ASH1L: variants seen among roughly 807,000 people sequenced by gnomAD.
ASH1L encodes ASH1 like histone lysine methyltransferase, also known as histone-lysine N-methyltransferase ASH1L.
Under a neutral mutation model 269.0 loss-of-function variants are expected in ASH1L, and 23 were observed. The ratio of observed to expected loss-of-function variants is 0.09; its 90% CI spans 0.06 to 0.12. The LOEUF (loss-of-function observed/expected upper bound fraction) is 0.12, where lower values mean the gene tolerates loss of function less well. Ranked by LOEUF, ASH1L falls within the 10% of genes least tolerant of loss-of-function variation. The probability of loss-of-function intolerance (pLI) is 1.00; values close to 1 mark genes in which losing one functional copy is unlikely to be tolerated. For synonymous variants in ASH1L, 1,187 were observed against 1,253.5 expected (o/e 0.95, Z 1.12); for missense variants, 2,912 against 3,567.8 (o/e 0.82, Z 4.68).
At chr1:155,379,583 T>C (rs1656761368) in intron 8 of ASH1L, among the ~76,000 whole-genome samples, 1 of 152,318 alleles carries the variant, frequency 6.6e-6, no homozygotes, top group East Asian at 1.9e-4. Context: ...TTAAAGATTT[T>C]TTAAAAGTGC....
chr1:155,342,756 C>T (rs1271048412), intron 24 of ASH1L, among the ~76,000 whole-genome samples: 1 of 151,956 alleles, frequency 6.6e-6, no homozygotes, highest in African/African-American at 2.4e-5. Flanking sequence ...AAGTAAATTC[C>T]ACAAAGGAAC....
At chr1:155,511,703 A>G (rs1330765063) in intron 2 of ASH1L, among the ~76,000 whole-genome samples, 1 of 152,066 alleles carries the variant, frequency 6.6e-6, no homozygotes, top group Non-Finnish European at 1.5e-5. Context: ...ACAGAGTTTC[A>G]CCATGTTGGC....
chr1:155,506,031 C>T (rs760450825), intron 2 of ASH1L, among the ~76,000 whole-genome samples: 4 of 151,756 alleles, frequency 2.6e-5, no homozygotes, highest in South Asian at 2.1e-4. Flanking sequence ...ATGTTTCCCA[C>T]CCTGTGGCCA....
chr1:155,399,511 C>T (rs12025532), intron 6 of ASH1L, among the ~76,000 whole-genome samples: 37,073 of 151,906 alleles, frequency 0.24, 5,558 homozygotes, highest in East Asian at 0.72. Context: ...GGCGTGGTGG[C>T]ACCTGTAATT....
chr1:155,541,835 C>T (rs976769859), intron 1 of ASH1L, among the ~76,000 whole-genome samples: 3 of 151,728 alleles, frequency 2.0e-5, no homozygotes, highest in African/African-American at 7.3e-5. Flanking sequence ...AAATATTAAA[C>T]TGGGAGGAAA....
chr1:155,428,576 G>A (rs1177237672), intron 5 of ASH1L, among the ~76,000 whole-genome samples: 1 of 152,134 alleles, frequency 6.6e-6, no homozygotes, highest in Non-Finnish European at 1.5e-5. Context: ...CACCCACGCT[G>A]GAAGGCTGTG....
At chr1:155,397,720 C>G (rs546884776) in intron 6 of ASH1L, among the ~76,000 whole-genome samples, 1 of 152,054 alleles carries the variant, frequency 6.6e-6, no homozygotes, top group East Asian at 1.9e-4. Context: ...TTACACTATG[C>G]CTGGCTATTT....
intron 1 of ASH1L, among the ~76,000 whole-genome samples, chr1:155,545,148 G>T (rs1184125821): frequency 1.1e-5 from 1 of 87,040 alleles, no homozygotes; most frequent in South Asian, 4.0e-4. Flanking sequence ...CTCCAGCCTG[G>T]GCAAGAAGAG....
intron 12 of ASH1L, among the ~76,000 whole-genome samples, chr1:155,361,766 G>C (rs1030305188): frequency 1.3e-5 from 2 of 151,216 alleles, no homozygotes; most frequent in Non-Finnish European, 2.9e-5. Context: ...CCAGCTACTT[G>C]GGAGGCTGAG....
At chr1:155,520,776 T>C (rs1378097773) in intron 2 of ASH1L, among the ~76,000 whole-genome samples, 1 of 151,656 alleles carries the variant, frequency 6.6e-6, no homozygotes, top group South Asian at 2.1e-4. Flanking sequence ...GCAGGAGAAC[T>C]GCTTGAACCC....
intron 2 of ASH1L, among the ~76,000 whole-genome samples, chr1:155,485,015 T>C (rs368795147): frequency 2.6e-5 from 4 of 150,944 alleles, no homozygotes; most frequent in Non-Finnish European, 5.9e-5. Context: ...TCCCAGCACT[T>C]TGTGAGGCCA....
At chr1:155,355,942 T>C (rs1314094594) in intron 15 of ASH1L, among the ~76,000 whole-genome samples, 7 of 151,500 alleles carry the variant, frequency 4.6e-5, no homozygotes, top group African/African-American at 1.5e-4. Flanking sequence ...CTTTTTGTTT[T>C]TTTTTGTTTT....
At position 155,360,580 on chromosome 1, in the gene ASH1L, AC is replaced by A. The variant is rs368568828; in HGVS notation, c.6687-172del. Among the ~76,000 whole-genome samples the A allele has an allele frequency of 1.3e-3, 201 of 152,038 alleles. 1 individual carries two copies. Among genetic ancestry groups the A allele is most frequent in the African/African-American group, 4.0e-3 (166 of 41,476 alleles). ...TGCCTCAGCCTCCTGAGTAGCTGGG[AC>A]TACAGGTGTAAGCCACCACGCCTGG... is the stretch of plus-strand genomic sequence containing the variant. On this transcript the variant is annotated intron_variant, in intron 12 of 27. Transcript: ENST00000392403.
chr1:155,504,893 A>G (rs1243159613), intron 2 of ASH1L, among the ~76,000 whole-genome samples: 2 of 151,958 alleles, frequency 1.3e-5, no homozygotes, highest in African/African-American at 4.8e-5. Flanking sequence ...ACAGCTATAA[A>G]TGACAGGGCC....
chr1:155,415,393 A>C (rs931955549), intron 6 of ASH1L, among the ~76,000 whole-genome samples: 3 of 151,890 alleles, frequency 2.0e-5, no homozygotes, highest in South Asian at 2.1e-4. Context: ...AAAAAAAAAA[A>C]AAAAACAAAA....
At chr1:155,488,449 G>A (rs1248868230) in intron 2 of ASH1L, among the ~76,000 whole-genome samples, 1 of 146,278 alleles carries the variant, frequency 6.8e-6, no homozygotes, top group Admixed American at 6.8e-5. Context: ...CACGAGGTCA[G>A]GAGAGTGAGA....
intron 5 of ASH1L, among the ~76,000 whole-genome samples, chr1:155,430,817 GT>G (rs1204260674): frequency 1.3e-5 from 2 of 151,968 alleles, no homozygotes; most frequent in Non-Finnish European, 2.9e-5. Flanking sequence ...TAGAAATAGG[GT>G]TTTGCCATTG....
At chr1:155,507,754 G>A (rs540388210) in intron 2 of ASH1L, among the ~76,000 whole-genome samples, 1 of 152,236 alleles carries the variant, frequency 6.6e-6, no homozygotes, top group South Asian at 2.1e-4. Flanking sequence ...CACACCTGTG[G>A]TCCTAGTGAT....
At chr1:155,491,748 C>A (rs1666803975) in intron 2 of ASH1L, among the ~76,000 whole-genome samples, 1 of 152,096 alleles carries the variant, frequency 6.6e-6, no homozygotes, top group Non-Finnish European at 1.5e-5. Flanking sequence ...CGGCTCACTG[C>A]AACCTCCGTC....
Sources: gnomAD v4.1 joint callset for allele counts (sites outside exome capture counted in the v4.1 genomes callset) on GRCh38, gnomAD v4.1.1 for gene constraint, MANE v1.5 for transcripts, NCBI Gene and HGNC (gene_info 2026-07-23, HGNC 2026-07-21) for gene names.